Variants in PCDHA6 observed in about 807,000 individuals in gnomAD.
PCDHA6 encodes the protein protocadherin alpha 6.
PCDHA6 carries 55 observed loss-of-function variants against 60.3 expected under a neutral mutation model. The ratio of observed to expected loss-of-function variants is 0.91; its 90% confidence interval spans 0.73 to 1.14. The LOEUF (loss-of-function observed/expected upper bound fraction) is 1.14, where lower values mean the gene tolerates loss of function less well. Among genes scored for constraint, PCDHA6 ranks in the 50% most tolerant of loss-of-function variants. The probability of loss-of-function intolerance (pLI) is 0.00; values close to 1 mark genes in which losing one functional copy is unlikely to be tolerated. For missense variants in PCDHA6, 1,327 were observed against 1,256.5 expected, an observed-to-expected ratio of 1.06 and a Z score of -0.85; for synonymous variants, 652 against 557.9, an observed-to-expected ratio of 1.17 and a Z score of -2.38.
intron 1 of PCDHA6, among the ~76,000 whole-genome samples, chr5:140,902,886 A>G (rs192404879): frequency 3.9e-5 from 6 of 152,276 alleles, no homozygotes; most frequent in Non-Finnish European, 7.4e-5. Flanking sequence ...TGCAAAAGCT[A>G]TTATTTTATT....
intron 1 of PCDHA6, chr5:140,929,159 A>C (rs781818133): frequency 1.2e-6 from 2 of 1,613,968 alleles, no homozygotes; most frequent in African/African-American, 1.3e-5. Context: ...ACTTATCTCT[A>C]TCGGGCCTCT....
chr5:140,865,598 C>A (rs542387225), intron 1 of PCDHA6: 1 of 152,240 alleles, frequency 6.6e-6, no homozygotes, highest in African/African-American at 2.4e-5. Flanking sequence ...ATTGTTTGAG[C>A]AGTTTATTAA....
At chr5:140,966,914 G>A in intron 1 of PCDHA6, 1 of 1,602,270 alleles carries the variant, frequency 6.2e-7, no homozygotes, top group Non-Finnish European at 8.5e-7. Context: ...CTCTGTGCCA[G>A]AGGAGCAGGC....
At chr5:140,930,832 T>A (rs1375434055) in intron 1 of PCDHA6, among the ~76,000 whole-genome samples, 1 of 152,226 alleles carries the variant, frequency 6.6e-6, no homozygotes, top group East Asian at 1.9e-4. Flanking sequence ...GCTGACTGAA[T>A]GAATAAATAT....
At chr5:140,861,430 A>G (rs370794784) in intron 1 of PCDHA6, 18 of 488,226 alleles carry the variant, frequency 3.7e-5, no homozygotes, top group African/African-American at 3.5e-4. Context: ...TTTCAGTTGG[A>G]TTCCAAAAGC....
chr5:140,966,732 G>T (rs2153748727), intron 1 of PCDHA6: 1 of 1,415,600 alleles, frequency 7.1e-7, no homozygotes, highest in African/African-American at 1.5e-5. Context: ...GCCGCCTCCG[G>T]CCCTGCCCGG....
intron 1 of PCDHA6, among the ~76,000 whole-genome samples, chr5:140,975,986 G>C (rs1554237183): frequency 6.6e-6 from 1 of 152,112 alleles, no homozygotes; most frequent in East Asian, 1.9e-4. Context: ...ATAGTCCTGG[G>C]AGGTACCATC....
intron 1 of PCDHA6, among the ~76,000 whole-genome samples, chr5:140,923,974 C>A (rs2081604148): frequency 6.6e-6 from 1 of 152,212 alleles, no homozygotes; most frequent in African/African-American, 2.4e-5. Flanking sequence ...CCCACACATA[C>A]TATCCCTCTA....
intron 1 of PCDHA6, chr5:140,882,118 T>G: frequency 1.4e-6 from 2 of 1,431,994 alleles, no homozygotes; most frequent in Non-Finnish European, 9.4e-7. Context: ...AAGCCGCCGT[T>G]TCTTTCTTCC....
At chr5:140,929,376 G>C in intron 1 of PCDHA6, 1 of 1,513,958 alleles carries the variant, frequency 6.6e-7, no homozygotes, top group Non-Finnish European at 8.8e-7. Flanking sequence ...ATGGCTGCTA[G>C]CTGTGTTTTG....
At chr5:140,842,758 G>A (rs1778250066) in intron 1 of PCDHA6, 3 of 1,594,690 alleles carry the variant, frequency 1.9e-6, no homozygotes, top group Non-Finnish European at 1.7e-6. Context: ...CGGTGTCTGC[G>A]CGAGACGCGG....
At chr5:140,927,782 C>T (rs550993125) in intron 1 of PCDHA6, 50 of 1,614,098 alleles carry the variant, frequency 3.1e-5, no homozygotes, top group South Asian at 2.2e-4. Context: ...CAAGTAGCTG[C>T]TTCACTAGGT....
intron 1 of PCDHA6, among the ~76,000 whole-genome samples, chr5:140,905,415 C>A (rs2071821709): frequency 6.6e-6 from 1 of 152,128 alleles, no homozygotes; most frequent in Non-Finnish European, 1.5e-5. Context: ...ATACCAGTAC[C>A]ATGCTGGTTT....
intron 1 of PCDHA6, among the ~76,000 whole-genome samples, chr5:140,898,151 CT>C (rs2066567806): frequency 6.6e-6 from 1 of 152,158 alleles, no homozygotes; most frequent in Admixed American, 6.5e-5. Context: ...CCTGTTCACG[CT>C]GATGGTGGTT....
intron 1 of PCDHA6, among the ~76,000 whole-genome samples, chr5:140,921,435 A>G (rs997660613): frequency 6.6e-6 from 1 of 152,120 alleles, no homozygotes. Context: ...ATTTTCTTCA[A>G]TGGTGTCTGA....
chr5:140,928,917 G>A (rs181013464), intron 1 of PCDHA6: 4 of 1,614,134 alleles, frequency 2.5e-6, no homozygotes, highest in Admixed American at 1.7e-5. Context: ...AACCAGGAGG[G>A]CAGCTTTCTG....
In PCDHA6 at chr5:140,856,011, C is replaced by G. The variant is rs782812320; in HGVS notation, c.2394+25526C>G. On this transcript the variant is annotated intron_variant, in intron 1 of 3. Transcript: ENST00000529310. Reference sequence around the variant, plus strand: ...GTCAGATCGTATGTGCGTTCTAGACCGCTGATTCGTCGATTTGTAAAACAA... The same window carrying G: ...GTCAGATCGTATGTGCGTTCTAGACGGCTGATTCGTCGATTTGTAAAACAA... The G allele has an allele frequency of 1.4e-5, 22 of 1,546,178 alleles. 1 individual carries two copies. The highest frequency in any genetic ancestry group is 1.7e-4 in the Middle Eastern group (1 of 5,742).
chr5:140,869,029 A>T, intron 1 of PCDHA6: 4 of 1,526,468 alleles, frequency 2.6e-6, no homozygotes, highest in South Asian at 2.7e-5. Flanking sequence ...ATTCAACGAG[A>T]TTTTTAACCT....
In PCDHA6 at chr5:140,852,619, G is replaced by C. The variant is rs147501708; in HGVS notation, c.2394+22134G>C. On this transcript the variant is annotated intron_variant, in intron 1 of 3. Transcript: ENST00000529310. ...TGTCATTTTCTTTCAAAACTTGAGT[G>C]GTCTCTGAGCTCCTGTCATTAAACC... The C allele has an allele frequency of 3.4e-4, 315 of 937,802 alleles. 5 individuals carry two copies. The East Asian group carries it at 0.027, about 79-fold the overall frequency. The allele number at this position is 937,802 out of a possible 1,614,324, so 58.1% of individuals were successfully genotyped here.
Sources: allele counts gnomAD v4.1 joint callset (sites outside exome capture counted in the v4.1 genomes callset), GRCh38; gene constraint gnomAD v4.1.1; transcripts MANE v1.5; gene names NCBI Gene and HGNC (gene_info 2026-07-23, HGNC 2026-07-21).